The following PHC1 variants were observed in gnomAD, a reference collection of about 807,000 sequenced individuals.
PHC1 encodes polyhomeotic homolog 1, also known as polyhomeotic-like protein 1.
A neutral mutation model predicts 104.3 loss-of-function variants in PHC1; 12 were observed. The ratio of observed to expected loss-of-function variants is 0.12; its 90% CI spans 0.07 to 0.19. PHC1 has a LOEUF of 0.19. Among genes scored for constraint, PHC1 ranks in the 10% least tolerant of loss-of-function variants. The pLI is 1.00. For missense variants in PHC1, 671 were observed against 1,200.0 expected, an observed-to-expected ratio of 0.56 and a Z score of 6.51; for synonymous variants, 302 against 455.8, an observed-to-expected ratio of 0.66 and a Z score of 4.30.
chr12:8,927,093 C>T (rs1484380764), intron 6 of PHC1, among the ~76,000 whole-genome samples: 1 of 152,074 alleles, frequency 6.6e-6, no homozygotes, highest in Non-Finnish European at 1.5e-5. Context: ...TGTAGTGTCA[C>T]GAAGGCAAGG....
At chr12:8,923,769 G>T (rs1945432791) in intron 6 of PHC1, among the ~76,000 whole-genome samples, 1 of 146,390 alleles carries the variant, frequency 6.8e-6, no homozygotes, top group Non-Finnish European at 1.5e-5. Context: ...GGCGGAGCTT[G>T]CAGTAAGCCG....
At chr12:8,935,053 A>G (rs1052859682) in intron 10 of PHC1, 71 bp from the exon 11 acceptor site, 16 of 729,650 alleles carry the variant, frequency 2.2e-5, no homozygotes, top group African/African-American at 2.1e-4. Flanking sequence ...TTGATGGGGA[A>G]ATGTTGGGGA....
intron 8 of PHC1, chr12:8,933,579 C>G: frequency 1.5e-6 from 1 of 652,180 alleles, no homozygotes. Context: ...TAAGTTAGAT[C>G]AAGATAGCCT....
At chr12:8,928,308 A>G (rs1945586983) in intron 6 of PHC1, among the ~76,000 whole-genome samples, 1 of 152,132 alleles carries the variant, frequency 6.6e-6, no homozygotes, top group African/African-American at 2.4e-5. Flanking sequence ...GTTTTTTTAA[A>G]TAAGAAAATA....
rs767368197 is a variant in PHC1, at chr12:8,937,825, A to G, written c.2629-4A>G. On this transcript the variant is annotated splice_region_variant and splice_polypyrimidine_tract_variant and intron_variant, in intron 13 of 14. Coordinates refer to ENST00000544916, the MANE Select transcript of PHC1 (RefSeq NM_004426.3). ...CCTCATTGGTTTGCTCTTTTCCCCT[A>G]TAGGGTCAAGAAGACTCTAGCCGGG... 7.4e-6 allele frequency: 12 copies of G among 1,611,454 alleles called. No individual in the cohort carries two copies. Among genetic ancestry groups the G allele is most frequent in the Middle Eastern group, 1.6e-4 (1 of 6,076 alleles).
intron 8 of PHC1, 165 bp downstream of exon 8, chr12:8,933,515 A>C (rs1945750207): frequency 1.1e-6 from 1 of 950,136 alleles, no homozygotes; most frequent in South Asian, 2.0e-5. Context: ...TAATATCTGA[A>C]CTTTATACTC....
intron 6 of PHC1, among the ~76,000 whole-genome samples, chr12:8,928,444 T>C: frequency 6.6e-6 from 1 of 152,226 alleles, no homozygotes; most frequent in Non-Finnish European, 1.5e-5. Flanking sequence ...TTATTTACTC[T>C]GTAATTTTTA....
At chr12:8,931,859 G>C (rs1469178749) in intron 7 of PHC1, among the ~76,000 whole-genome samples, 1 of 152,024 alleles carries the variant, frequency 6.6e-6, no homozygotes, top group Non-Finnish European at 1.5e-5. Flanking sequence ...TACTATACTT[G>C]GTATTTATAT....
Position 8,939,479 on chromosome 12 carries a change from C to G in PHC1, c.*20C>G. The G allele has an allele frequency of 1.4e-6, 2 of 1,404,972 alleles. No homozygotes were observed. The highest frequency in any genetic ancestry group is 2.0e-6 in the Non-Finnish European group (2 of 1,022,674). 87.0% of individuals were successfully genotyped at this position (1,404,972 alleles called of 1,614,324 possible). A position where few individuals can be genotyped will look rare whatever the true frequency, so the allele number is the denominator to read the frequency against. On this transcript the variant is annotated 3_prime_UTR_variant, in exon 15 of 15. Coordinates refer to ENST00000544916, the MANE Select transcript of PHC1 (RefSeq NM_004426.3). Reference sequence around the variant, plus strand: ...ACCTAAGGTGGCCCTCTTGCACAAACCAGCCTAAGGCAGACACTCTCCACT... The same window carrying G: ...ACCTAAGGTGGCCCTCTTGCACAAAGCAGCCTAAGGCAGACACTCTCCACT...
At chr12:8,925,647 C>T (rs1401180615) in intron 6 of PHC1, among the ~76,000 whole-genome samples, 1 of 152,054 alleles carries the variant, frequency 6.6e-6, no homozygotes, top group African/African-American at 2.4e-5. Flanking sequence ...AATTAAAAGT[C>T]TTGTATTCTT....
At chr12:8,914,071 T>C (rs1945123036), upstream of PHC1, 1 of 152,758 alleles carries the variant, frequency 6.5e-6, no homozygotes, top group Non-Finnish European at 1.5e-5. Context: ...CTAGGGGTCG[T>C]TGCTTTGCTC....
In PHC1 at chr12:8,930,692, T is replaced by A; in HGVS notation, c.870T>A (p.Gly290=). 1 of 1,322,304 alleles carries A rather than the reference T, an allele frequency of 7.6e-7. No homozygotes were observed. Among genetic ancestry groups the A allele is most frequent in the South Asian group, 1.4e-5 (1 of 70,944 alleles). The allele number at this position is 1,322,304 out of a possible 1,614,324, so 81.9% of individuals were successfully genotyped here. Residue 290 remains glycine (G), a synonymous_variant, in exon 7 of 15, where the codon GGT becomes GGA. Transcript: ENST00000544916. Reference sequence around the variant, plus strand: ...GTGGAGGTGGGCAGGCACATGGTGGTTTGGGTCAGTTGCCTTCCTCAGGAA... The same window carrying A: ...GTGGAGGTGGGCAGGCACATGGTGGATTGGGTCAGTTGCCTTCCTCAGGAA... ...GPGGGGQAHG[G]LGQLPSSGMG...
chr12:8,931,764 T>G (rs985703002), intron 7 of PHC1, among the ~76,000 whole-genome samples: 1 of 152,184 alleles, frequency 6.6e-6, no homozygotes, highest in African/African-American at 2.4e-5. Flanking sequence ...TTGGTCATGT[T>G]GATTTTTGCC....
chr12:8,929,867 A>G (rs751357535), intron 6 of PHC1, among the ~76,000 whole-genome samples: 2 of 152,286 alleles, frequency 1.3e-5, no homozygotes, highest in Admixed American at 6.5e-5. Flanking sequence ...GCTGTTATCA[A>G]TATCTTTAAA....
At chr12:8,923,122 G>C (rs1442731699) in intron 6 of PHC1, among the ~76,000 whole-genome samples, 1 of 152,196 alleles carries the variant, frequency 6.6e-6, no homozygotes, top group Non-Finnish European at 1.5e-5. Flanking sequence ...TGTCAGAAGA[G>C]AAGAGATTGT....
In PHC1 at chr12:8,930,878, C is replaced by T. The variant is rs1459979145; in HGVS notation, c.1056C>T (p.Asn352=). The stretch of plus-strand genomic sequence containing the variant: ...GTGGCCAGCAGAATGTGGGCATGAA[C>T]CTGACACGGACAGCCACACCTGCGC... ...DGSGQQNVGM[N]LTRTATPAPS... is the part of the protein sequence containing the mutation. The change falls in exon 7 of 15, where the codon AAC becomes AAT. Residue 352 remains asparagine, a synonymous_variant. Coordinates refer to ENST00000544916, the MANE Select transcript of PHC1 (RefSeq NM_004426.3). The T allele has an allele frequency of 6.4e-7, 1 of 1,573,276 alleles. No individual in the cohort carries two copies. Among genetic ancestry groups the T allele is most frequent in the South Asian group, 1.2e-5 (1 of 81,852 alleles).
intron 11 of PHC1, 102 bp from the exon 12 acceptor site, chr12:8,936,754 G>A: frequency 1.3e-6 from 1 of 792,280 alleles, no homozygotes; most frequent in Non-Finnish European, 2.1e-6. Context: ...GTTTTTGGGG[G>A]TGAACCCTGA....
At chr12:8,928,203 G>A (rs756842102) in intron 6 of PHC1, among the ~76,000 whole-genome samples, 3 of 151,976 alleles carry the variant, frequency 2.0e-5, no homozygotes, top group South Asian at 2.1e-4. Context: ...CCACTGCACC[G>A]GCCTATTGTA....
At chr12:8,932,279 A>G (rs1289124952) in intron 7 of PHC1, among the ~76,000 whole-genome samples, 2 of 152,216 alleles carry the variant, frequency 1.3e-5, no homozygotes, top group African/African-American at 4.8e-5. Flanking sequence ...ATATTTAAGT[A>G]TGGCAAAGAT....
Sources: allele counts gnomAD v4.1 joint callset (sites outside exome capture counted in the v4.1 genomes callset), GRCh38; gene constraint gnomAD v4.1.1; transcripts MANE v1.5; gene names NCBI Gene and HGNC (gene_info 2026-07-23, HGNC 2026-07-21).